The following ITPR1 variants were observed in gnomAD, a reference collection of about 807,000 sequenced individuals.
ITPR1 encodes the protein inositol 1,4,5-trisphosphate receptor type 1.
In ITPR1, 96 loss-of-function variants were observed where a neutral mutation model predicts 318.4. That is an observed-to-expected ratio of 0.30 (90% CI 0.26 to 0.36). The LOEUF (loss-of-function observed/expected upper bound fraction) is 0.36, where lower values mean the gene tolerates loss of function less well. ITPR1 is among the 10% of genes least tolerant of loss of function. The pLI is 1.00. For missense variants in ITPR1, 2,440 were observed against 3,460.2 expected, an observed-to-expected ratio of 0.71 and a Z score of 7.40; for synonymous variants, 1,312 against 1,289.9, an observed-to-expected ratio of 1.02 and a Z score of -0.37.
chr3:4,751,863 A>T (rs1167474571), intron 44 of ITPR1, among the ~76,000 whole-genome samples: 1 of 152,196 alleles, frequency 6.6e-6, no homozygotes. Context: ...ACACACTTGG[A>T]TCCCCTGCTT....
Position 4,818,089 on chromosome 3 carries a change from A to G in ITPR1, c.7875A>G (p.Glu2625=), listed in dbSNP as rs113496930. ...LKTTCFICGL[E]RDKFDNKTVT... ...TTTTTGTCTCATTTTTAGGCTTGGA[A>G]AGAGACAAGTTTGACAACAAGACTG... The change falls in exon 60 of 62, where the codon GAA becomes GAG. Residue 2625 remains glutamate, a synonymous_variant. Coordinates refer to ENST00000649015, the MANE Select transcript of ITPR1 (RefSeq NM_001378452.1). The G allele has an allele frequency of 7.5e-6, 12 of 1,598,748 alleles. No individual in the cohort carries two copies. The African/African-American group carries it at 9.4e-5, about 12-fold the overall frequency.
rs2094501903 is a variant in ITPR1, at chr3:4,692,928, C to A, written c.4030-562C>A. Among the ~76,000 whole-genome samples, 3 of 152,142 alleles carry A rather than the reference C, an allele frequency of 2.0e-5. No homozygotes were observed. The South Asian group carries it at 6.2e-4, about 32-fold the overall frequency. On this transcript the variant is annotated intron_variant, in intron 32 of 61. Transcript: ENST00000649015. ...CTGAGGTTGAGAGTTCGAGACCAGC[C>A]TAGCCAACATGGGGAAACCCCGTCT... is the stretch of plus-strand genomic sequence containing the variant.
Position 4,662,121 on chromosome 3 carries a change from GC to G in ITPR1, c.1293del (p.Ile432Ter). 1 of 1,613,792 alleles carries G rather than the reference GC, an allele frequency of 6.2e-7. No individual in the cohort carries two copies. The highest frequency in any genetic ancestry group is 8.5e-7 in the Non-Finnish European group (1 of 1,179,712). On this transcript the variant is annotated frameshift_variant, in exon 15 of 62. Coordinates refer to ENST00000649015, the MANE Select transcript of ITPR1 (RefSeq NM_001378452.1). LOFTEE classifies it high-confidence loss of function. ...TGTGAAGGAGGATAAGGAAGCATTT[GC>G]CATAGTTCCGGTTTCTCCTGCTGAA... ...SPVKEDKEAF[A>X]IVPVSPAEVR...
intron 53 of ITPR1, among the ~76,000 whole-genome samples, chr3:4,799,254 T>C (rs555951732): frequency 2.6e-5 from 4 of 152,330 alleles, no homozygotes; most frequent in Admixed American, 1.3e-4. Flanking sequence ...TGACACGATG[T>C]CTAACAATTG....
At chr3:4,717,838 T>A (rs922294227) in intron 40 of ITPR1, among the ~76,000 whole-genome samples, 2 of 152,230 alleles carry the variant, frequency 1.3e-5, no homozygotes, top group Non-Finnish European at 2.9e-5. Context: ...ACCCTCTTGG[T>A]CTACGTATTG....
chr3:4,552,886 G>A (rs2085711582), intron 4 of ITPR1, among the ~76,000 whole-genome samples: 2 of 152,128 alleles, frequency 1.3e-5, no homozygotes, highest in African/African-American at 2.4e-5. Flanking sequence ...GATTTTAGGG[G>A]TTGTATGCCA....
intron 13 of ITPR1, among the ~76,000 whole-genome samples, chr3:4,659,102 C>T (rs1465471324): frequency 2.6e-5 from 4 of 152,244 alleles, no homozygotes; most frequent in Admixed American, 2.6e-4. Context: ...GTTATTTGGG[C>T]AATTCTGACT....
intron 5 of ITPR1, among the ~76,000 whole-genome samples, chr3:4,635,271 G>GT (rs1400810797): frequency 6.6e-6 from 1 of 152,192 alleles, no homozygotes; most frequent in Non-Finnish European, 1.5e-5. Flanking sequence ...TGAGTGAAAA[G>GT]TTTTTTGGTC....
chr3:4,671,833 C>T (rs989403349), intron 20 of ITPR1: 3 of 152,208 alleles, frequency 2.0e-5, no homozygotes, highest in African/African-American at 7.2e-5. Flanking sequence ...GTGATGTACG[C>T]ATCCTATCCA....
At chr3:4,684,789 C>T (rs191295761) in intron 29 of ITPR1, among the ~76,000 whole-genome samples, 1 of 152,308 alleles carries the variant, frequency 6.6e-6, no homozygotes, top group East Asian at 1.9e-4. Flanking sequence ...TTCCCAGGGT[C>T]TCGGCAATGA....
chr3:4,803,041 A>T (rs1432335037), intron 54 of ITPR1, among the ~76,000 whole-genome samples: 1 of 152,202 alleles, frequency 6.6e-6, no homozygotes, highest in Non-Finnish European at 1.5e-5. Flanking sequence ...CTGTACAGGA[A>T]GCATGGCAGC....
intron 48 of ITPR1, among the ~76,000 whole-genome samples, chr3:4,777,787 C>CAA (rs1311319607): frequency 4.0e-5 from 1 of 24,704 alleles, no homozygotes. Context: ...CTATCTAGGA[C>CAA]CAAAAAAAAA....
At chr3:4,690,137 T>G (rs1479553821) in intron 31 of ITPR1, among the ~76,000 whole-genome samples, 1 of 152,102 alleles carries the variant, frequency 6.6e-6, no homozygotes, top group East Asian at 1.9e-4. Flanking sequence ...ATTAGTTGGG[T>G]ATGATGGTGA....
chr3:4,822,049 G>C (rs2049758210), intron 60 of ITPR1, among the ~76,000 whole-genome samples: 1 of 152,204 alleles, frequency 6.6e-6, no homozygotes, highest in Non-Finnish European at 1.5e-5. Context: ...TCCAAGGTGA[G>C]AGTTTCCGCT....
chr3:4,836,735 CTTTTT>C (rs201029025), intron 60 of ITPR1, 34 bp from the exon 61 acceptor site: 583 of 1,069,076 alleles, frequency 5.5e-4, no homozygotes, highest in Middle Eastern at 1.4e-3. Flanking sequence ...GTGACTCAGT[CTTTTT>C]TTTTTTTTTT....
chr3:4,714,677 G>A (rs1448450453), intron 39 of ITPR1, among the ~76,000 whole-genome samples: 2 of 152,182 alleles, frequency 1.3e-5, no homozygotes, highest in African/African-American at 2.4e-5. Flanking sequence ...TTTTCTAAGC[G>A]ATAATCCTTA....
intron 12 of ITPR1, among the ~76,000 whole-genome samples, chr3:4,655,561 C>T (rs1384584020): frequency 6.6e-6 from 1 of 152,146 alleles, no homozygotes; most frequent in African/African-American, 2.4e-5. Flanking sequence ...TTTGCGTCCA[C>T]CAGGTTGTCT....
intron 42 of ITPR1, among the ~76,000 whole-genome samples, chr3:4,727,935 A>G (rs912644636): frequency 3.3e-5 from 5 of 152,188 alleles, no homozygotes; most frequent in Non-Finnish European, 7.3e-5. Context: ...ACATGTGCCA[A>G]CAGACACAGG....
At chr3:4,567,617 C>CT (rs745982924) in intron 4 of ITPR1, among the ~76,000 whole-genome samples, 24 of 151,346 alleles carry the variant, frequency 1.6e-4, no homozygotes, top group South Asian at 4.2e-4. Context: ...TTTTTGGTTT[C>CT]TTTTTTGAGA....
Sources: gnomAD v4.1 joint callset for allele counts (sites outside exome capture counted in the v4.1 genomes callset) on GRCh38, gnomAD v4.1.1 for gene constraint, MANE v1.5 for transcripts, NCBI Gene and HGNC (gene_info 2026-07-23, HGNC 2026-07-21) for gene names.